Variants in NLGN1 observed in about 807,000 individuals in gnomAD.
The protein encoded by NLGN1 is neuroligin-1.
NLGN1 carries 12 observed loss-of-function variants against 65.5 expected under a neutral mutation model. The ratio of observed to expected loss-of-function variants is 0.18; its 90% confidence interval spans 0.12 to 0.30. The LOEUF is 0.30. Among genes scored for constraint, NLGN1 ranks in the 10% least tolerant of loss-of-function variants. The pLI is 1.00. For missense variants in NLGN1, 750 were observed against 1,007.1 expected, an observed-to-expected ratio of 0.74 and a Z score of 3.46; for synonymous variants, 350 against 359.5, an observed-to-expected ratio of 0.97 and a Z score of 0.30.
At chr3:174,154,789 A>G (rs1725011341) in intron 4 of NLGN1, among the ~76,000 whole-genome samples, 1 of 150,110 alleles carries the variant, frequency 6.7e-6, no homozygotes, top group Non-Finnish European at 1.5e-5. Context: ...GTGTATTTAT[A>G]GTATATATGT....
chr3:173,652,161 G>C (rs1759299228), intron 3 of NLGN1, among the ~76,000 whole-genome samples: 1 of 152,054 alleles, frequency 6.6e-6, no homozygotes, highest in African/African-American at 2.4e-5. Flanking sequence ...ATAAATTTTG[G>C]ATATTAGTCC....
chr3:174,106,667 G>A (rs1019033637), intron 4 of NLGN1, among the ~76,000 whole-genome samples: 5 of 151,946 alleles, frequency 3.3e-5, no homozygotes, highest in Non-Finnish European at 7.4e-5. Context: ...TATATAGGAG[G>A]AGATTTTTAA....
At chr3:173,475,634 G>C (rs927131290) in intron 2 of NLGN1, among the ~76,000 whole-genome samples, 8 of 152,156 alleles carry the variant, frequency 5.3e-5, no homozygotes, top group African/African-American at 1.9e-4. Flanking sequence ...CTTATATGAT[G>C]ACTGATACAT....
At chr3:173,548,047 AC>A (rs895604548) in intron 2 of NLGN1, among the ~76,000 whole-genome samples, 2 of 152,008 alleles carry the variant, frequency 1.3e-5, no homozygotes, top group African/African-American at 4.8e-5. Context: ...TAATTTACTT[AC>A]GCATTTACTT....
chr3:174,170,608 A>G (rs1356103215), intron 4 of NLGN1, among the ~76,000 whole-genome samples: 2 of 152,224 alleles, frequency 1.3e-5, no homozygotes, highest in Admixed American at 6.5e-5. Context: ...TCAGCTCTGT[A>G]TTGAATTACA....
chr3:174,092,123 C>T (rs1744635415), intron 4 of NLGN1, among the ~76,000 whole-genome samples: 1 of 152,098 alleles, frequency 6.6e-6, no homozygotes, highest in Non-Finnish European at 1.5e-5. Flanking sequence ...TTCCTCTTAG[C>T]CCATGAATAT....
chr3:173,488,311 A>T (rs957081118), intron 2 of NLGN1, among the ~76,000 whole-genome samples: 29 of 151,242 alleles, frequency 1.9e-4, no homozygotes, highest in Non-Finnish European at 4.1e-4. Context: ...ACTAAAACAT[A>T]CTCTTTGTTC....
At chr3:173,616,415 C>T (rs1753085568) in intron 3 of NLGN1, among the ~76,000 whole-genome samples, 1 of 152,040 alleles carries the variant, frequency 6.6e-6, no homozygotes, top group South Asian at 2.1e-4. Context: ...AAAAACTGGA[C>T]TCAAAATGAG....
chr3:173,673,701 C>T (rs1762754515), intron 3 of NLGN1, among the ~76,000 whole-genome samples: 2 of 152,186 alleles, frequency 1.3e-5, no homozygotes, highest in Non-Finnish European at 2.9e-5. Flanking sequence ...ATGCAACCTC[C>T]ATCTAACCAC....
At chr3:173,408,911 CA>C (rs11344890) in intron 1 of NLGN1, among the ~76,000 whole-genome samples, 39,384 of 124,634 alleles carry the variant, frequency 0.32, 5,568 homozygotes, top group East Asian at 0.57. Flanking sequence ...GACTCTGTCT[CA>C]AAAAAAAAAA....
In NLGN1 at chr3:173,503,552, T is replaced by C. The variant is rs1287359807; in HGVS notation, c.-321+68474T>C. On this transcript the variant is annotated intron_variant, in intron 2 of 6. Coordinates refer to ENST00000457714, the Ensembl canonical transcript of NLGN1. The stretch of plus-strand genomic sequence containing the variant: ...TTTATATAAAATCATTTGTAGAAGA[T>C]TTTACTTTTTAAATTAAATTATTTG... Among the ~76,000 whole-genome samples, 4 of 152,092 alleles carry C rather than the reference T, an allele frequency of 2.6e-5. No individual in the cohort carries two copies. The East Asian group carries it at 5.8e-4, about 22-fold the overall frequency.
intron 4 of NLGN1, among the ~76,000 whole-genome samples, chr3:174,245,756 T>A (rs2152836259): frequency 6.6e-6 from 1 of 152,328 alleles, no homozygotes; most frequent in Non-Finnish European, 1.5e-5. Context: ...AATAACAAAT[T>A]GATCAATTTG....
At chr3:173,588,817 G>T (rs770221512) in intron 2 of NLGN1, among the ~76,000 whole-genome samples, 85 of 152,134 alleles carry the variant, frequency 5.6e-4, no homozygotes, top group Non-Finnish European at 1.0e-3. Context: ...CTCATAAAAC[G>T]TTCAAGTCCC....
chr3:173,690,178 T>C (rs1481399022), intron 3 of NLGN1, among the ~76,000 whole-genome samples: 7 of 152,164 alleles, frequency 4.6e-5, no homozygotes, highest in African/African-American at 7.2e-5. Flanking sequence ...GAACTAATGG[T>C]CTTGGCGTGG....
chr3:174,115,425 C>G (rs975088109), intron 4 of NLGN1, among the ~76,000 whole-genome samples: 1 of 152,154 alleles, frequency 6.6e-6, no homozygotes, highest in African/African-American at 2.4e-5. Flanking sequence ...CCTGGTTCTC[C>G]ATGTCACTGA....
intron 4 of NLGN1, among the ~76,000 whole-genome samples, chr3:174,150,641 G>C (rs1394130295): frequency 6.6e-6 from 1 of 152,068 alleles, no homozygotes; most frequent in Non-Finnish European, 1.5e-5. Flanking sequence ...GAATACTGAA[G>C]TCTCTTATCT....
chr3:173,994,169 G>A (rs918335213), intron 4 of NLGN1, among the ~76,000 whole-genome samples: 2 of 151,930 alleles, frequency 1.3e-5, no homozygotes, highest in Admixed American at 6.6e-5. Context: ...GTGCAGTGGC[G>A]TGATCACAAC....
chr3:174,230,435 T>C (rs1740497478), intron 4 of NLGN1, among the ~76,000 whole-genome samples: 1 of 152,186 alleles, frequency 6.6e-6, no homozygotes, highest in East Asian at 1.9e-4. Flanking sequence ...GTATCTAACA[T>C]TCACTATTAT....
At chr3:174,024,637 A>G (rs188514153) in intron 4 of NLGN1, among the ~76,000 whole-genome samples, 3 of 152,302 alleles carry the variant, frequency 2.0e-5, no homozygotes, top group East Asian at 1.9e-4. Flanking sequence ...AAAAATAGTC[A>G]TTATTCAGTG....
Sources: allele counts gnomAD v4.1 joint callset (sites outside exome capture counted in the v4.1 genomes callset), GRCh38; gene constraint gnomAD v4.1.1; transcripts MANE v1.5; gene names NCBI Gene and HGNC (gene_info 2026-07-23, HGNC 2026-07-21).